MAN2A1: variants seen among roughly 807,000 people sequenced by gnomAD.
The protein encoded by MAN2A1 is mannosidase alpha class 2A member 1, also known as alpha-mannosidase 2.
A neutral mutation model predicts 142.6 loss-of-function variants in MAN2A1; 76 were observed. That is an observed-to-expected ratio of 0.53 (90% CI 0.44 to 0.65). The LOEUF (loss-of-function observed/expected upper bound fraction) is 0.65, where lower values mean the gene tolerates loss of function less well. Ranked by LOEUF, MAN2A1 falls within the 30% of genes least tolerant of loss-of-function variation. MAN2A1 has a pLI of 0.00. For missense variants in MAN2A1, 1,311 were observed against 1,365.1 expected, an observed-to-expected ratio of 0.96 and a Z score of 0.62; for synonymous variants, 559 against 473.2, an observed-to-expected ratio of 1.18 and a Z score of -2.35.
At chr5:109,718,885 T>C (rs1751526844) in intron 3 of MAN2A1, among the ~76,000 whole-genome samples, 2 of 152,206 alleles carry the variant, frequency 1.3e-5, no homozygotes, top group African/African-American at 4.8e-5. Flanking sequence ...TGAATCTGAC[T>C]CTTCAAACTA....
At chr5:109,775,266 C>CTTGTT (rs774987106) in intron 8 of MAN2A1, among the ~76,000 whole-genome samples, 15 of 151,912 alleles carry the variant, frequency 9.9e-5, no homozygotes, top group African/African-American at 1.7e-4. Context: ...TTTTGTTGTG[C>CTTGTT]TTGTTTTGTT....
rs1340133362 is a variant in MAN2A1, at chr5:109,819,687, A to G, written c.2128A>G (p.Ile710Val). The G allele has an allele frequency of 1.6e-5, 25 of 1,601,120 alleles. No homozygotes were observed. Among genetic ancestry groups the G allele is most frequent in the Non-Finnish European group, 2.0e-5 (23 of 1,174,374 alleles). Reference sequence around the variant, plus strand: ...TTTAAAGATCTCTTTTCGAGCACATATACCGCCATTGGGACTGAAAGTGTA... The same window carrying G: ...TTTAAAGATCTCTTTTCGAGCACATGTACCGCCATTGGGACTGAAAGTGTA... ...TAYEISFRAH[I>V]PPLGLKVYKI... Residue 710 changes from isoleucine (I) to valine (V), a missense_variant, in exon 14 of 22, where the codon ATA (isoleucine) becomes GTA (valine). Coordinates refer to ENST00000261483, the MANE Select transcript of MAN2A1 (RefSeq NM_002372.4).
chr5:109,767,725 G>A lies in MAN2A1; in HGVS notation c.1009+17G>A. 1 of 1,603,246 alleles carries A rather than the reference G, an allele frequency of 6.2e-7. No homozygotes were observed. The stretch of plus-strand genomic sequence containing the variant: ...AGAATTGGGGTATGTAGGGTTTGAT[G>A]AAAGTTGATCCCATTTGGCCTAGAT... On this transcript the variant is annotated intron_variant, in intron 6 of 21. Coordinates refer to ENST00000261483, the MANE Select transcript of MAN2A1 (RefSeq NM_002372.4).
At chr5:109,760,133 C>T (rs1351742280) in intron 5 of MAN2A1, among the ~76,000 whole-genome samples, 1 of 152,104 alleles carries the variant, frequency 6.6e-6, no homozygotes, top group African/African-American at 2.4e-5. Flanking sequence ...GCTATCCCTT[C>T]CCTAGCCTCC....
chr5:109,857,146 T>C (rs562932897), intron 20 of MAN2A1, among the ~76,000 whole-genome samples: 1 of 152,100 alleles, frequency 6.6e-6, no homozygotes, highest in East Asian at 1.9e-4. Context: ...AAAGAGCAAG[T>C]GTGAAGGCCC....
At chr5:109,852,285 C>G (rs1183169243) in intron 19 of MAN2A1, among the ~76,000 whole-genome samples, 1 of 152,058 alleles carries the variant, frequency 6.6e-6, no homozygotes, top group African/African-American at 2.4e-5. Flanking sequence ...CTCCTCCTTC[C>G]TCTTTGTCTT....
chr5:109,799,125 T>A (rs1753945772), intron 12 of MAN2A1, among the ~76,000 whole-genome samples: 1 of 152,186 alleles, frequency 6.6e-6, no homozygotes, highest in African/African-American at 2.4e-5. Flanking sequence ...CTCACACATT[T>A]GTTGGCGGAG....
chr5:109,715,624 A>G (rs1327089553), intron 2 of MAN2A1, among the ~76,000 whole-genome samples: 1 of 152,158 alleles, frequency 6.6e-6, no homozygotes, highest in African/African-American at 2.4e-5. Context: ...TAGATATAAC[A>G]TATGCTACAT....
chr5:109,850,180 A>G (rs751307097), intron 19 of MAN2A1, among the ~76,000 whole-genome samples: 3 of 152,110 alleles, frequency 2.0e-5, no homozygotes, highest in Non-Finnish European at 2.9e-5. Context: ...TGCTTCTAGG[A>G]TTGTTCCTGG....
At chr5:109,821,978 A>C (rs1754635336) in intron 15 of MAN2A1, among the ~76,000 whole-genome samples, 1 of 151,920 alleles carries the variant, frequency 6.6e-6, no homozygotes, top group Non-Finnish European at 1.5e-5. Context: ...AGATCAGTGA[A>C]ATGTTATCCT....
intron 16 of MAN2A1, among the ~76,000 whole-genome samples, chr5:109,825,725 C>G (rs1754738027): frequency 6.6e-6 from 1 of 152,040 alleles, no homozygotes; most frequent in Admixed American, 6.6e-5. Context: ...CTGTTTCCCT[C>G]TGGGCAGTGA....
chr5:109,811,759 G>A (rs1410676055), intron 12 of MAN2A1, among the ~76,000 whole-genome samples: 4 of 152,054 alleles, frequency 2.6e-5, no homozygotes, highest in African/African-American at 9.7e-5. Flanking sequence ...CTGGGATTAT[G>A]TATTCATATT....
Position 109,838,324 on chromosome 5 carries a change from C to A in MAN2A1, c.2567-4004C>A, listed in dbSNP as rs374662725. Among the ~76,000 whole-genome samples the A allele has an allele frequency of 3.9e-5, 6 of 152,226 alleles. No individual in the cohort carries two copies. In the East Asian group the frequency reaches 5.8e-4, roughly 15 times the overall value. Reference sequence around the variant, plus strand: ...AACCTGGGAATGGCATCACTCCTTTCTTTCCCTAGTGACTAATCTTGTAAA... The same window carrying A: ...AACCTGGGAATGGCATCACTCCTTTATTTCCCTAGTGACTAATCTTGTAAA... On this transcript the variant is annotated intron_variant, in intron 16 of 21. Transcript: ENST00000261483.
rs778018086 is a variant in MAN2A1 at position 109,690,379 on chromosome 5, G to C, written c.-39G>C. On this transcript the variant is annotated 5_prime_UTR_variant, in exon 1 of 22. Coordinates refer to ENST00000261483, the MANE Select transcript of MAN2A1 (RefSeq NM_002372.4). ...AGTCCACAGTGCGCTGTCTCCTTTG[G>C]CTGAGGAGAGTGTCCTGGCCCCGAG... is the stretch of plus-strand genomic sequence containing the variant. 6.2e-7 allele frequency: 1 copy of C among 1,612,306 alleles called. No individual in the cohort carries two copies. The highest frequency in any genetic ancestry group is 1.1e-5 in the South Asian group (1 of 91,040).
chr5:109,860,832 G>A (rs4321784), intron 20 of MAN2A1, among the ~76,000 whole-genome samples: 56,977 of 151,622 alleles, frequency 0.38, 11,306 homozygotes, highest in African/African-American at 0.52. Flanking sequence ...CTTGGTTTCT[G>A]AATTGATATA....
chr5:109,866,793 T>A, intron 21 of MAN2A1, 53 bp from the exon 22 acceptor site: 3 of 1,200,766 alleles, frequency 2.5e-6, no homozygotes, highest in Non-Finnish European at 3.6e-6. Flanking sequence ...GTAGTTGTGC[T>A]GCTAATCTTC....
intron 17 of MAN2A1, among the ~76,000 whole-genome samples, chr5:109,843,387 G>A (rs760413961): frequency 6.6e-6 from 1 of 152,086 alleles, no homozygotes; most frequent in Non-Finnish European, 1.5e-5. Flanking sequence ...CCATGATCTA[G>A]TCTCTGCCCA....
intron 7 of MAN2A1, among the ~76,000 whole-genome samples, chr5:109,773,067 C>G (rs1197923062): frequency 6.6e-6 from 1 of 152,126 alleles, no homozygotes; most frequent in Admixed American, 6.5e-5. Flanking sequence ...TAAAATAAAT[C>G]AGGAGCAAAT....
chr5:109,693,691 GTTT>G (rs1750735956), intron 1 of MAN2A1, among the ~76,000 whole-genome samples: 1 of 152,058 alleles, frequency 6.6e-6, no homozygotes, highest in Non-Finnish European at 1.5e-5. Context: ...GGGTGCTCCA[GTTT>G]CTCTCACCCC....
Sources: allele counts gnomAD v4.1 joint callset (sites outside exome capture counted in the v4.1 genomes callset), GRCh38; gene constraint gnomAD v4.1.1; transcripts MANE v1.5; gene names NCBI Gene and HGNC (gene_info 2026-07-23, HGNC 2026-07-21).